The following DISP1 variants were observed in gnomAD, a reference collection of about 807,000 sequenced individuals.
The protein encoded by DISP1 is protein dispatched homolog 1.
In DISP1, 30 loss-of-function variants were observed where a neutral mutation model predicts 37.3. The ratio of observed to expected loss-of-function variants is 0.80; its 90% CI spans 0.60 to 1.09. The LOEUF (loss-of-function observed/expected upper bound fraction) is 1.09. DISP1 is among the 50% of genes least tolerant of loss of function. The probability of loss-of-function intolerance (pLI) is 0.00; values close to 1 mark genes in which losing one functional copy is unlikely to be tolerated. For missense variants in DISP1, 1,598 were observed against 1,879.5 expected, an observed-to-expected ratio of 0.85 and a Z score of 2.77; for synonymous variants, 634 against 690.2, an observed-to-expected ratio of 0.92 and a Z score of 1.28.
At chr1:222,983,532 G>A (rs1403459580) in intron 4 of DISP1, among the ~76,000 whole-genome samples, 10 of 152,020 alleles carry the variant, frequency 6.6e-5, no homozygotes, top group Non-Finnish European at 1.5e-5. Context: ...CAGGAGAATC[G>A]CTTGAACCTG....
At chr1:222,881,229 C>CTTG (rs1191914202) in intron 1 of DISP1, among the ~76,000 whole-genome samples, 2 of 151,812 alleles carry the variant, frequency 1.3e-5, no homozygotes. Flanking sequence ...CAGTTTTGCT[C>CTTG]TTGTTGCCCA....
intron 1 of DISP1, among the ~76,000 whole-genome samples, chr1:222,871,099 G>A (rs1475424753): frequency 1.3e-5 from 2 of 152,202 alleles, no homozygotes; most frequent in South Asian, 2.1e-4. Flanking sequence ...TCAGATAGTT[G>A]TAGATACGCG....
intron 4 of DISP1, among the ~76,000 whole-genome samples, chr1:222,988,183 C>T (rs1311771544): frequency 2.6e-5 from 4 of 152,116 alleles, no homozygotes; most frequent in East Asian, 1.9e-4. Flanking sequence ...CTAAAATTTG[C>T]AGTCTAGTGA....
intron 1 of DISP1, among the ~76,000 whole-genome samples, chr1:222,905,368 A>G (rs2125411568): frequency 6.6e-6 from 1 of 152,308 alleles, no homozygotes; most frequent in Middle Eastern, 3.4e-3. Context: ...CATTTGCAGA[A>G]TCATGTAATG....
chr1:222,984,525 T>TATATAACAGGTTTATATGATAG (rs1678131270), intron 4 of DISP1, among the ~76,000 whole-genome samples: 1 of 149,814 alleles, frequency 6.7e-6, no homozygotes, highest in African/African-American at 2.5e-5. Context: ...TTATATGTTA[T>TATATAACAGGTTTATATGATAG]ATATAACAGG....
At chr1:222,918,815 C>T (rs375799856) in intron 1 of DISP1, among the ~76,000 whole-genome samples, 4 of 152,190 alleles carry the variant, frequency 2.6e-5, no homozygotes, top group Non-Finnish European at 5.9e-5. Flanking sequence ...AGTTTTACCC[C>T]GGGGTAATTA....
intron 3 of DISP1, among the ~76,000 whole-genome samples, chr1:222,963,011 A>G (rs1298875718): frequency 6.6e-6 from 1 of 152,214 alleles, no homozygotes; most frequent in African/African-American, 2.4e-5. Context: ...AATGGGAGAA[A>G]ATTTTTGCAA....
intron 3 of DISP1, among the ~76,000 whole-genome samples, chr1:222,980,848 G>A (rs1266502851): frequency 1.3e-5 from 2 of 152,228 alleles, no homozygotes; most frequent in African/African-American, 4.8e-5. Context: ...ACTTTGGGAG[G>A]CCCAGGCGGG....
intron 3 of DISP1, among the ~76,000 whole-genome samples, chr1:222,967,927 G>A (rs1156253593): frequency 3.3e-5 from 5 of 152,004 alleles, no homozygotes; most frequent in African/African-American, 4.8e-5. Context: ...TTAATCCTCC[G>A]GTCTTTCACT....
chr1:222,886,361 G>A (rs559537092), intron 1 of DISP1, among the ~76,000 whole-genome samples: 9 of 152,260 alleles, frequency 5.9e-5, no homozygotes, highest in Non-Finnish European at 8.8e-5. Flanking sequence ...ATATGCTGTC[G>A]GGTTCAGACG....
At chr1:222,937,223 C>T (rs897870733) in intron 2 of DISP1, among the ~76,000 whole-genome samples, 32 of 150,240 alleles carry the variant, frequency 2.1e-4, no homozygotes, top group African/African-American at 6.9e-4. Context: ...CTGAGTCGCT[C>T]GGACTACAGG....
At chr1:222,942,363 A>G (rs958653959) in intron 2 of DISP1, among the ~76,000 whole-genome samples, 3 of 152,168 alleles carry the variant, frequency 2.0e-5, no homozygotes, top group Admixed American at 2.0e-4. Context: ...TTAACCTTGT[A>G]CAATGAATTA....
intron 1 of DISP1, among the ~76,000 whole-genome samples, chr1:222,863,048 G>A (rs77789117): frequency 0.02 from 3,088 of 152,202 alleles, 92 homozygotes; most frequent in African/African-American, 0.064. Context: ...CTCCTAATTA[G>A]ATTGAGGTTT....
intron 1 of DISP1, among the ~76,000 whole-genome samples, chr1:222,840,874 A>G (rs1361684271): frequency 1.3e-5 from 2 of 152,022 alleles, no homozygotes; most frequent in African/African-American, 4.8e-5. Context: ...AAGGGTTCTT[A>G]AAAAAATAAA....
chr1:222,940,900 A>G (rs1472142487), intron 2 of DISP1, among the ~76,000 whole-genome samples: 1 of 152,198 alleles, frequency 6.6e-6, no homozygotes, highest in Non-Finnish European at 1.5e-5. Context: ...GATCTCATCT[A>G]GTGATTGTTT....
intron 1 of DISP1, among the ~76,000 whole-genome samples, chr1:222,881,266 G>A (rs760415408): frequency 1.9e-4 from 29 of 152,038 alleles, no homozygotes; most frequent in Non-Finnish European, 3.8e-4. Flanking sequence ...CGCCATCTCG[G>A]CTCACCGCAA....
chr1:222,993,565 G>A (rs1678852610), intron 7 of DISP1, among the ~76,000 whole-genome samples: 1 of 152,124 alleles, frequency 6.6e-6, no homozygotes, highest in South Asian at 2.1e-4. Context: ...TATAGTAATA[G>A]ATAGTAGGAG....
intron 1 of DISP1, among the ~76,000 whole-genome samples, chr1:222,857,193 C>A (rs776121646): frequency 2.6e-5 from 4 of 152,052 alleles, no homozygotes; most frequent in Non-Finnish European, 1.5e-5. Flanking sequence ...GAGTTTGAGG[C>A]TGTAGTATAC....
chr1:222,949,091 T>C (rs1292628701), intron 3 of DISP1, among the ~76,000 whole-genome samples: 1 of 152,180 alleles, frequency 6.6e-6, no homozygotes, highest in African/African-American at 2.4e-5. Flanking sequence ...TCCTTTTTAG[T>C]GTTCCGATTA....
Sources: gnomAD v4.1 joint callset for allele counts (sites outside exome capture counted in the v4.1 genomes callset) on GRCh38, gnomAD v4.1.1 for gene constraint, MANE v1.5 for transcripts, NCBI Gene and HGNC (gene_info 2026-07-23, HGNC 2026-07-21) for gene names.